The following EVC2 variants were observed in gnomAD, a reference collection of about 807,000 sequenced individuals.
EVC2 encodes the protein limbin.
A neutral mutation model predicts 149.3 loss-of-function variants in EVC2; 148 were observed. That is an observed-to-expected ratio of 0.99 (90% confidence interval 0.87 to 1.14). EVC2 has a LOEUF of 1.14. EVC2 is among the 50% of genes most tolerant of loss of function. The pLI, the probability that EVC2 is intolerant of heterozygous loss-of-function variation, is 0.00. For missense variants in EVC2, 1,854 were observed against 1,627.3 expected (o/e 1.14, Z -2.40); for synonymous variants, 776 against 649.9 (o/e 1.19, Z -2.95).
At chr4:5,680,516 G>T (rs73200119) in intron 7 of EVC2, among the ~76,000 whole-genome samples, 2 of 152,118 alleles carry the variant, frequency 1.3e-5, no homozygotes, top group Non-Finnish European at 2.9e-5. Flanking sequence ...ATTATGTGGC[G>T]CGTGACTGTA....
Position 5,666,058 on chromosome 4 carries a change from C to G in EVC2, c.871-409G>C, listed in dbSNP as rs367608002. ...GAGGAAGAACCCATGGCACCCTCAC[C>G]TTCCCGCTACCCTCTATTAACTTTA... On this transcript the variant is annotated intron_variant, in intron 7 of 21. Transcript: ENST00000344408. Among the ~76,000 whole-genome samples the G allele has an allele frequency of 3.9e-5, 6 of 152,260 alleles. No homozygotes were observed. In the South Asian group the frequency reaches 1.3e-3, roughly 32 times the overall value.
intron 1 of EVC2, among the ~76,000 whole-genome samples, chr4:5,700,522 C>G (rs1469509064): frequency 6.6e-6 from 1 of 152,212 alleles, no homozygotes; most frequent in Non-Finnish European, 1.5e-5. Flanking sequence ...GCTCTCCTTA[C>G]CAGTGGACAT....
intron 1 of EVC2, among the ~76,000 whole-genome samples, chr4:5,700,584 A>G (rs114619591): frequency 0.016 from 2,374 of 151,976 alleles, 59 homozygotes; most frequent in African/African-American, 0.054. Flanking sequence ...ACCCAGGCTG[A>G]CCTCCATGAG....
chr4:5,683,041 G>C, intron 6 of EVC2, among the ~76,000 whole-genome samples: 1 of 152,178 alleles, frequency 6.6e-6, no homozygotes, highest in African/African-American at 2.4e-5. Context: ...GCAGTGCTAG[G>C]AAGCAGTGGG....
At chr4:5,601,050 G>T (rs374273363) in intron 16 of EVC2, among the ~76,000 whole-genome samples, 1 of 152,158 alleles carries the variant, frequency 6.6e-6, no homozygotes, top group African/African-American at 2.4e-5. Context: ...GACTTGGAGC[G>T]GTCTTTTTTG....
At chr4:5,596,155 A>T (rs1180293687) in intron 16 of EVC2, among the ~76,000 whole-genome samples, 3 of 152,166 alleles carry the variant, frequency 2.0e-5, no homozygotes, top group East Asian at 1.9e-4. Flanking sequence ...CATTAGACAT[A>T]TCAACAAGAC....
At chr4:5,575,294 C>A (rs955341477) in intron 18 of EVC2, among the ~76,000 whole-genome samples, 1 of 152,208 alleles carries the variant, frequency 6.6e-6, no homozygotes, top group Admixed American at 6.5e-5. Context: ...ACACCCCAGA[C>A]CTTCTGCAAG....
Position 5,640,812 on chromosome 4 carries a change from G to A in EVC2, c.1172C>T (p.Ala391Val), listed in dbSNP as rs1368934888. The change falls in exon 10 of 22, where the codon GCA becomes GTA. Residue 391 changes from alanine (A) to valine (V), a missense_variant. Physicochemically the swap from Ala to Val is moderately conservative, Grantham distance 64 (BLOSUM62 0). Coordinates refer to ENST00000344408, the MANE Select transcript of EVC2 (RefSeq NM_147127.5). The surrounding 1 kb of genome is among the most constrained non-coding windows in gnomAD (Gnocchi z 4.6). ...TCGACAAGCCTCCAGATCTGCATCT[G>A]CCCGATTCAGGGTTGCAATCTCCAA... ...EELEIATLNR[A>V]DADLEACRTQ... 6.2e-7 allele frequency: 1 copy of A among 1,614,140 alleles called. No homozygotes were observed. Among genetic ancestry groups the A allele is most frequent in the Non-Finnish European group, 8.5e-7 (1 of 1,180,014 alleles).
chr4:5,652,387 C>A (rs961001403), intron 9 of EVC2, among the ~76,000 whole-genome samples: 15 of 152,218 alleles, frequency 9.9e-5, no homozygotes, highest in African/African-American at 3.6e-4. Flanking sequence ...AGGACAGACG[C>A]ACCCTCCGGG....
chr4:5,602,228 T>A (rs928198726), intron 16 of EVC2, among the ~76,000 whole-genome samples: 2 of 149,846 alleles, frequency 1.3e-5, no homozygotes, highest in Non-Finnish European at 3.0e-5. Flanking sequence ...AGTTCAAGGT[T>A]ACAGTGAGCT....
Position 5,622,895 on chromosome 4 carries a change from C to G in EVC2, c.2143G>C (p.Glu715Gln). The part of the protein sequence containing the change: ...QYLHQKRSLM[E>Q]EHGATLEELQ... ...TCCTCCAGGGTGGCACCGTGCTCCT[C>G]CATCAGGCTCCTCTTCTGGTGCAGG... The change falls in exon 14 of 22, where the codon GAG (glutamate) becomes CAG (glutamine). Residue 715 changes from glutamate to glutamine, a missense_variant. By Grantham distance (29) the Glu-to-Gln change is conservative (BLOSUM62 2). Coordinates refer to ENST00000344408, the MANE Select transcript of EVC2 (RefSeq NM_147127.5). The surrounding 1 kb of genome is among the most constrained non-coding windows in gnomAD (Gnocchi z 5.8). The G allele has an allele frequency of 6.2e-7, 1 of 1,614,206 alleles. No homozygotes were observed.
At chr4:5,577,262 T>G (rs1027056035) in intron 17 of EVC2, among the ~76,000 whole-genome samples, 1 of 152,224 alleles carries the variant, frequency 6.6e-6, no homozygotes, top group Non-Finnish European at 1.5e-5. Context: ...TCTTAACCAC[T>G]AAGCTACATT....
chr4:5,628,343 TC>T (rs746604923), intron 12 of EVC2, among the ~76,000 whole-genome samples: 2 of 152,148 alleles, frequency 1.3e-5, no homozygotes, highest in Non-Finnish European at 2.9e-5. Flanking sequence ...ACTCCCTTTT[TC>T]TGTCTCACAC....
intron 20 of EVC2, among the ~76,000 whole-genome samples, chr4:5,565,997 G>GA (rs372056733): frequency 1.6e-3 from 248 of 152,340 alleles, no homozygotes; most frequent in African/African-American, 5.6e-3. Flanking sequence ...CCCCCACTGG[G>GA]ATGAATGCTC....
chr4:5,571,301 G>C (rs1216774311), intron 19 of EVC2, among the ~76,000 whole-genome samples: 9 of 114,278 alleles, frequency 7.9e-5, no homozygotes, highest in Non-Finnish European at 1.3e-4. Flanking sequence ...CTGGGTGACA[G>C]AGTGAGACTC....
At chr4:5,641,564 T>C (rs1717329710) in intron 9 of EVC2, among the ~76,000 whole-genome samples, 1 of 152,216 alleles carries the variant, frequency 6.6e-6, no homozygotes, top group Non-Finnish European at 1.5e-5. Context: ...CTGTATATAC[T>C]TCCAGTAACA....
At chr4:5,708,760 A>C, upstream of EVC2, 8 of 405,718 alleles carry the variant, frequency 2.0e-5, no homozygotes, top group East Asian at 1.2e-4. Context: ...CCCAAACCGA[A>C]TCAGAGCGGG....
In EVC2 at chr4:5,708,482, G is replaced by C. The variant is rs1279975852; in HGVS notation, c.32C>G (p.Thr11Arg). The stretch of plus-strand genomic sequence containing the variant: ...CAGGAGACCCCCGGCCAGCACCCAC[G>C]TGGGGCGCCCCCGGGAGCCCGAGGG... MDPSGSRGRP[T>R]WVLAGGLLAV... The change falls in exon 1 of 22, where the codon ACG (threonine) becomes AGG (arginine). Residue 11 changes from threonine (T) to arginine (R), a missense_variant. Coordinates refer to ENST00000344408, the MANE Select transcript of EVC2 (RefSeq NM_147127.5). 1 of 1,486,612 alleles carries C rather than the reference G, an allele frequency of 6.7e-7. No homozygotes were observed. The highest frequency in any genetic ancestry group is 8.9e-7 in the Non-Finnish European group (1 of 1,126,262). 92.1% of individuals were successfully genotyped at this position (1,486,612 alleles called of 1,614,324 possible).
At chr4:5,531,538 G>A in the EVC2 span, among the ~76,000 whole-genome samples, 6 of 152,192 alleles carry the variant, frequency 3.9e-5, no homozygotes, top group South Asian at 2.1e-4. Flanking sequence ...TTGCTTGCTC[G>A]CATTACTGTG....
Sources: gnomAD v4.1 joint callset for allele counts (sites outside exome capture counted in the v4.1 genomes callset) on GRCh38, gnomAD v4.1.1 for gene constraint, Gnocchi (gnomAD v3.1) non-coding constraint, MANE v1.5 for transcripts, NCBI Gene and HGNC (gene_info 2026-07-23, HGNC 2026-07-21) for gene names.